Variants in VTI1A observed in about 807,000 individuals in gnomAD.
VTI1A encodes the protein vesicle transport through interaction with t-SNAREs 1A.
In VTI1A, 22 loss-of-function variants were observed where a neutral mutation model predicts 34.9. That is an observed-to-expected ratio of 0.63 (90% CI 0.45 to 0.90). VTI1A has a LOEUF of 0.90. Among genes scored for constraint, VTI1A ranks in the 40% least tolerant of loss-of-function variants. The pLI is 0.00. For synonymous variants in VTI1A, 87 were observed against 97.3 expected (o/e 0.89, Z 0.62); for missense variants, 268 against 275.6 (o/e 0.97, Z 0.20).
chr10:112,677,725 T>A (rs1162266825), intron 7 of VTI1A: 1 of 152,290 alleles, frequency 6.6e-6, no homozygotes, highest in Non-Finnish European at 1.5e-5. Flanking sequence ...AGCATAGCCT[T>A]CTTGCCACAT....
At chr10:112,541,736 G>A (rs1850878466) in intron 5 of VTI1A, among the ~76,000 whole-genome samples, 2 of 152,156 alleles carry the variant, frequency 1.3e-5, no homozygotes, top group South Asian at 4.1e-4. Context: ...CTGGAACTCA[G>A]CAGAGGGACA....
At chr10:112,845,683 C>A in the VTI1A span, among the ~76,000 whole-genome samples, 1 of 152,106 alleles carries the variant, frequency 6.6e-6, no homozygotes, top group Admixed American at 6.5e-5. Flanking sequence ...TCACTCAGGA[C>A]GAGCCCCAGG....
At chr10:112,855,132 GGGATGGGAAGCTCGACCCA>G in the VTI1A span, among the ~76,000 whole-genome samples, 2 of 151,934 alleles carry the variant, frequency 1.3e-5, no homozygotes, top group African/African-American at 2.4e-5. Flanking sequence ...AGCTCGACCC[GGGATGGGAAGCTCGACCCA>G]GGATGGGAAG....
At chr10:112,501,341 A>G (rs2134154197) in intron 3 of VTI1A, among the ~76,000 whole-genome samples, 1 of 152,242 alleles carries the variant, frequency 6.6e-6, no homozygotes, top group South Asian at 2.1e-4. Flanking sequence ...TCATCATAAC[A>G]TTTTCAGTTT....
At chr10:112,585,543 A>C (rs1477549046) in intron 5 of VTI1A, among the ~76,000 whole-genome samples, 1 of 152,140 alleles carries the variant, frequency 6.6e-6, no homozygotes, top group African/African-American at 2.4e-5. Context: ...TATAGGCATA[A>C]GTTTCCTTTT....
At position 112,713,594 on chromosome 10, in the gene VTI1A, C is replaced by G. The variant is rs7081813; in HGVS notation, c.560+44596C>G. Among the ~76,000 whole-genome samples, 1,148 of 152,278 alleles carry G rather than the reference C, an allele frequency of 7.5e-3. 11 individuals are homozygous for G. The highest frequency in any genetic ancestry group is 0.027 in the African/African-American group (1,109 of 41,544). On this transcript the variant is annotated intron_variant, in intron 7 of 7. Transcript: ENST00000393077. ...CTCCAGTCTATCAGCCTTAAGAGCA[C>G]AGATCTCCTTGTCTGACACCTGATA...
the VTI1A span, among the ~76,000 whole-genome samples, chr10:112,832,720 C>T: frequency 6.6e-6 from 1 of 152,202 alleles, no homozygotes; most frequent in African/African-American, 2.4e-5. Context: ...TATAGGTGAG[C>T]GGAGCCTGAA....
chr10:112,550,246 A>C (rs940399143), intron 5 of VTI1A, among the ~76,000 whole-genome samples: 1 of 152,182 alleles, frequency 6.6e-6, no homozygotes, highest in Admixed American at 6.5e-5. Context: ...TTCAAATATT[A>C]CAGTGAAGCT....
At chr10:112,566,839 G>A (rs1851920143) in intron 5 of VTI1A, among the ~76,000 whole-genome samples, 1 of 152,088 alleles carries the variant, frequency 6.6e-6, no homozygotes, top group Admixed American at 6.5e-5. Flanking sequence ...TTTATAGAAA[G>A]TATATTTGTC....
the VTI1A span, among the ~76,000 whole-genome samples, chr10:112,842,050 CCTTTTTTTTTTTTTTTTTTT>C: frequency 2.1e-5 from 2 of 93,166 alleles, no homozygotes; most frequent in Non-Finnish European, 4.1e-5. Flanking sequence ...TTTTTTTTTT[CCTTTTTTTTTTTTTTTTTTT>C]TTTTTTTTTT....
At chr10:112,644,578 G>A (rs911013070) in intron 5 of VTI1A, among the ~76,000 whole-genome samples, 1 of 152,138 alleles carries the variant, frequency 6.6e-6, no homozygotes, top group Non-Finnish European at 1.5e-5. Flanking sequence ...AAAAAGAAGA[G>A]GAGAGACAGG....
intron 5 of VTI1A, among the ~76,000 whole-genome samples, chr10:112,645,673 C>T (rs973788577): frequency 6.6e-5 from 10 of 152,140 alleles, no homozygotes; most frequent in African/African-American, 2.4e-4. Flanking sequence ...TAATCCAACT[C>T]CTGAGTGGAA....
intron 7 of VTI1A, among the ~76,000 whole-genome samples, chr10:112,696,979 A>G (rs1237968873): frequency 6.6e-6 from 1 of 152,198 alleles, no homozygotes; most frequent in East Asian, 1.9e-4. Flanking sequence ...GCATTCCATG[A>G]TCTTGAAGCA....
intron 5 of VTI1A, among the ~76,000 whole-genome samples, chr10:112,558,423 G>A (rs1276700605): frequency 6.6e-6 from 1 of 152,158 alleles, no homozygotes; most frequent in Non-Finnish European, 1.5e-5. Flanking sequence ...GGAAAAGACA[G>A]CTTATTGATT....
At chr10:112,630,412 G>A (rs1846085217) in intron 5 of VTI1A, among the ~76,000 whole-genome samples, 1 of 152,160 alleles carries the variant, frequency 6.6e-6, no homozygotes, top group African/African-American at 2.4e-5. Flanking sequence ...ACTTGGGGGT[G>A]CTAGAACTTG....
intron 3 of VTI1A, among the ~76,000 whole-genome samples, chr10:112,495,794 AATTTAGAATTGT>A (rs989352057): frequency 4.6e-5 from 7 of 152,168 alleles, no homozygotes; most frequent in South Asian, 2.1e-4. Flanking sequence ...GTTCAAGTAG[AATTTAGAATTGT>A]ATTTAGAATT....
chr10:112,700,949 C>A (rs1590087499), intron 7 of VTI1A, among the ~76,000 whole-genome samples: 2 of 152,070 alleles, frequency 1.3e-5, no homozygotes, highest in African/African-American at 4.8e-5. Flanking sequence ...CTTGTGCTCA[C>A]GATTATCAGA....
At chr10:112,464,434 TG>T in intron 2 of VTI1A, 112 bp from the exon 3 acceptor site, 1 of 864,624 alleles carries the variant, frequency 1.2e-6, no homozygotes, top group Non-Finnish European at 1.8e-6. Context: ...ACCCTGAACC[TG>T]GTGCCTCAAC....
intron 7 of VTI1A, among the ~76,000 whole-genome samples, chr10:112,740,959 G>A (rs1344881924): frequency 2.0e-5 from 3 of 152,194 alleles, no homozygotes; most frequent in Non-Finnish European, 2.9e-5. Flanking sequence ...TAAATAAAAT[G>A]TGGTCTATTA....
Sources: gnomAD v4.1 joint callset for allele counts (sites outside exome capture counted in the v4.1 genomes callset) on GRCh38, gnomAD v4.1.1 for gene constraint, MANE v1.5 for transcripts, NCBI Gene and HGNC (gene_info 2026-07-23, HGNC 2026-07-21) for gene names.